ZNF608: variants seen among roughly 807,000 people sequenced by gnomAD.
ZNF608 encodes renal carcinoma antigen NY-REN-36.
In ZNF608, 12 loss-of-function variants were observed where a neutral mutation model predicts 109.0. The ratio of observed to expected loss-of-function variants is 0.11; its 90% CI spans 0.07 to 0.18. The LOEUF (loss-of-function observed/expected upper bound fraction) is 0.18. Ranked by LOEUF, ZNF608 falls within the 10% of genes least tolerant of loss-of-function variation. The pLI is 1.00. For synonymous variants in ZNF608, 732 were observed against 717.4 expected (o/e 1.02, Z -0.33); for missense variants, 1,707 against 1,879.3 (o/e 0.91, Z 1.70).
chr5:124,740,985 T>C (rs751662882), intron 2 of ZNF608, among the ~76,000 whole-genome samples: 1 of 152,152 alleles, frequency 6.6e-6, no homozygotes, highest in African/African-American at 2.4e-5. Flanking sequence ...AGAGCTTCAA[T>C]ACAAGGCTAT....
At chr5:124,731,431 T>A (rs1748896273) in intron 2 of ZNF608, among the ~76,000 whole-genome samples, 1 of 150,270 alleles carries the variant, frequency 6.7e-6, no homozygotes, top group Non-Finnish European at 1.5e-5. Flanking sequence ...CAGGCTGGTC[T>A]CGAACTCCTG....
chr5:124,672,662 A>T (rs1030032810), intron 3 of ZNF608, among the ~76,000 whole-genome samples: 2 of 152,210 alleles, frequency 1.3e-5, no homozygotes, highest in Admixed American at 1.3e-4. Context: ...CTCATCTCAT[A>T]GTACCAATAA....
intron 3 of ZNF608, among the ~76,000 whole-genome samples, chr5:124,653,048 T>C (rs1561539030): frequency 6.6e-6 from 1 of 152,176 alleles, no homozygotes; most frequent in Non-Finnish European, 1.5e-5. Flanking sequence ...ATTCTTCCCT[T>C]TCCACCCATG....
rs1040569415 is a variant in ZNF608, at chr5:124,649,820, C to T, written c.1163-123G>A. ...TTCTATTCTCATTTGCTTTTAAAAG[C>T]TGTGGTTTGCATTCTTCCTCTTTCT... On this transcript the variant is annotated intron_variant, in intron 3 of 9. Coordinates refer to ENST00000513986, the MANE Select transcript of ZNF608 (RefSeq NM_020747.3). 3 of 598,462 alleles carry T rather than the reference C, an allele frequency of 5.0e-6. No homozygotes were observed. In the Admixed American group the frequency reaches 1.0e-4, roughly 21 times the overall value. 37.1% of individuals were successfully genotyped at this position (598,462 alleles called of 1,614,324 possible).
At chr5:124,730,836 G>A (rs1748862723) in intron 2 of ZNF608, among the ~76,000 whole-genome samples, 1 of 152,210 alleles carries the variant, frequency 6.6e-6, no homozygotes, top group Non-Finnish European at 1.5e-5. Flanking sequence ...TGCTACATGT[G>A]AGCACATATT....
intron 3 of ZNF608, among the ~76,000 whole-genome samples, chr5:124,697,447 C>T (rs1046001860): frequency 1.3e-5 from 2 of 152,000 alleles, no homozygotes; most frequent in African/African-American, 4.8e-5. Context: ...GGAATAAATG[C>T]TAAGGAAATT....
In ZNF608 at chr5:124,647,641, G is replaced by A. The variant is rs758670605; in HGVS notation, c.2743C>T (p.Pro915Ser). The A allele has an allele frequency of 1.9e-6, 3 of 1,614,204 alleles. No individual in the cohort carries two copies. The highest frequency in any genetic ancestry group is 3.3e-5 in the Admixed American group (2 of 60,024). The change falls in exon 5 of 10, where the codon CCA becomes TCA. Residue 915 changes from proline (P) to serine (S), a missense_variant. Around this residue, in one of 7 missense-constraint regions of ZNF608, gnomAD observed 1,073 missense variants for 1,133.5 expected, o/e 0.95. Transcript: ENST00000513986. ...GTCAACACATGCAGAGGTGCCATTG[G>A]TGCCTGCCCGTTCACCAAAGTGCTG... The part of the protein sequence containing the change: ...ECSTLVNGQA[P>S]MAPLHVLTQN...
At position 124,648,695 on chromosome 5, in the gene ZNF608, C is replaced by A. The variant is rs753125519; in HGVS notation, c.1689G>T (p.Lys563Asn). The part of the protein sequence containing the change: ...IDCPHPNCNK[K>N]YKHINGLRYH... ...ACCTCAGGCCGTTAATGTGCTTGTA[C>A]TTTTTGTTGCAGTTTGGGTGGGGAC... Residue 563 changes from lysine to asparagine, a missense_variant, in exon 5 of 10, where the codon AAG becomes AAT. Around this residue, in one of 7 missense-constraint regions of ZNF608, gnomAD observed 22 missense variants for 52.2 expected, o/e 0.42. Transcript: ENST00000513986. 6.2e-7 allele frequency: 1 copy of A among 1,614,190 alleles called. No individual in the cohort carries two copies. Among genetic ancestry groups the A allele is most frequent in the Non-Finnish European group, 8.5e-7 (1 of 1,180,036 alleles).
chr5:124,690,924 A>ACACACACACAC (rs1561562225), intron 3 of ZNF608, among the ~76,000 whole-genome samples: 1 of 86,912 alleles, frequency 1.2e-5, no homozygotes, highest in African/African-American at 6.1e-5. Flanking sequence ...GCAACAGAAA[A>ACACACACACAC]ACACACACAC....
chr5:124,715,402 C>G (rs1000031178), intron 2 of ZNF608, among the ~76,000 whole-genome samples: 3 of 152,162 alleles, frequency 2.0e-5, no homozygotes, highest in Non-Finnish European at 2.9e-5. Flanking sequence ...AGTACAAGCA[C>G]CCCACGGGTG....
chr5:124,739,527 T>A (rs74551203), intron 2 of ZNF608, among the ~76,000 whole-genome samples: 5,288 of 152,290 alleles, frequency 0.035, 145 homozygotes, highest in South Asian at 0.12. Context: ...ACTGACTAAA[T>A]AGTCAGATCT....
At chr5:124,740,886 C>A (rs1313681667) in intron 2 of ZNF608, among the ~76,000 whole-genome samples, 1 of 152,168 alleles carries the variant, frequency 6.6e-6, no homozygotes, top group Non-Finnish European at 1.5e-5. Flanking sequence ...ATCAACTTTA[C>A]ATATAAACTG....
At chr5:124,643,834 A>G in intron 6 of ZNF608, 151 bp from the exon 7 acceptor site, 1 of 790,312 alleles carries the variant, frequency 1.3e-6, no homozygotes, top group Non-Finnish European at 1.9e-6. Flanking sequence ...AACTGTGTCT[A>G]GCTTCTCCAA....
intron 2 of ZNF608, among the ~76,000 whole-genome samples, chr5:124,713,071 C>T (rs144666010): frequency 1.6e-4 from 24 of 152,320 alleles, no homozygotes; most frequent in African/African-American, 5.8e-4. Context: ...CCACCTGATT[C>T]GGGCCTTCCC....
rs547287347 is a variant in ZNF608 at position 124,706,230 on chromosome 5, C to T, written c.907-4961G>A. ...CAAAACCTTAAGCAAGTAGTTTGATCGCTCTGGGGAATCAGTGCCTTCATC... is the reference window on the plus strand; with the variant it reads ...CAAAACCTTAAGCAAGTAGTTTGATTGCTCTGGGGAATCAGTGCCTTCATC... On this transcript the variant is annotated intron_variant, in intron 2 of 9. Coordinates refer to ENST00000513986, the MANE Select transcript of ZNF608 (RefSeq NM_020747.3). 3.3e-5 allele frequency among the ~76,000 whole-genome samples: 5 copies of T among 152,292 alleles called. No individual in the cohort carries two copies. The East Asian group carries it at 7.7e-4, about 24-fold the overall frequency.
chr5:124,637,712 T>C lies in ZNF608; in HGVS notation c.*188A>G, dbSNP rs1348434441. On this transcript the variant is annotated 3_prime_UTR_variant, in exon 10 of 10. Transcript: ENST00000513986. ...ATATACAGATATGTATACGTATATA[T>C]ATATAAAACAGAAGTTTAATTACAG... is the stretch of plus-strand genomic sequence containing the variant. The C allele has an allele frequency of 1.5e-5, 6 of 394,462 alleles. No individual in the cohort carries two copies. Among genetic ancestry groups the C allele is most frequent in the Non-Finnish European group, 2.7e-5 (6 of 219,156 alleles). The allele number at this position is 394,462 out of a possible 1,614,324, so 24.4% of individuals were successfully genotyped here.
At chr5:124,721,303 G>C (rs1422905634) in intron 2 of ZNF608, among the ~76,000 whole-genome samples, 1 of 152,120 alleles carries the variant, frequency 6.6e-6, no homozygotes, top group Admixed American at 6.5e-5. Flanking sequence ...ACAGTTTTAA[G>C]GCTCTTTTTT....
rs1283974411 is a variant in ZNF608 at position 124,647,786 on chromosome 5, A to C, written c.2598T>G (p.Asn866Lys). 6.2e-7 allele frequency: 1 copy of C among 1,614,106 alleles called. No homozygotes were observed. Among genetic ancestry groups the C allele is most frequent in the Non-Finnish European group, 8.5e-7 (1 of 1,179,970 alleles). ...GGCTCTCCTGAGACTCCGACAGTCC[A>C]TTTGCCAGCCCTTCATTCTTGTTGA... is the stretch of plus-strand genomic sequence containing the variant. ...DHLNKNEGLA[N>K]GLSESQESRM... Residue 866 changes from asparagine (N) to lysine (K), a missense_variant, in exon 5 of 10, where the codon AAT becomes AAG. Transcript: ENST00000513986.
chr5:124,742,263 T>C (rs1454093516), intron 2 of ZNF608, among the ~76,000 whole-genome samples: 1 of 152,222 alleles, frequency 6.6e-6, no homozygotes, highest in Admixed American at 6.5e-5. Flanking sequence ...TTTTAGATAC[T>C]GAAATGTTCC....
Sources: gnomAD v4.1 joint callset for allele counts (sites outside exome capture counted in the v4.1 genomes callset) on GRCh38, gnomAD v4.1.1 for gene constraint, gnomAD v4.1.1 regional missense constraint, MANE v1.5 for transcripts, NCBI Gene and HGNC (gene_info 2026-07-23, HGNC 2026-07-21) for gene names.